Variants in SFXN1 observed in about 807,000 individuals in gnomAD.
The protein encoded by SFXN1 is sideroflexin-1.
SFXN1 carries 32 observed loss-of-function variants against 39.5 expected under a neutral mutation model. That is an observed-to-expected ratio of 0.81 (90% CI 0.61 to 1.09). The LOEUF (loss-of-function observed/expected upper bound fraction) is 1.09, where lower values mean the gene tolerates loss of function less well. Ranked by LOEUF, SFXN1 falls within the 50% of genes least tolerant of loss-of-function variation. SFXN1 has a pLI of 0.00. For missense variants in SFXN1, 402 were observed against 407.1 expected, an observed-to-expected ratio of 0.99 and a Z score of 0.11; for synonymous variants, 136 against 146.5, an observed-to-expected ratio of 0.93 and a Z score of 0.52.
chr5:175,522,284 AAAG>A (rs1482924315), intron 9 of SFXN1, 88 bp from the exon 10 acceptor site: 2 of 1,305,366 alleles, frequency 1.5e-6, no homozygotes, highest in Non-Finnish European at 2.1e-6. Context: ...TGCTCTGAAG[AAAG>A]AAGGGATTGT....
intron 1 of SFXN1, among the ~76,000 whole-genome samples, chr5:175,486,185 A>AG (rs113677211): frequency 0.022 from 3,241 of 150,280 alleles, 111 homozygotes; most frequent in African/African-American, 0.075. Flanking sequence ...AAAGGAAAAA[A>AG]GTGGGGGGGC....
chr5:175,509,971 A>T (rs1760453602), intron 3 of SFXN1, 138 bp from the exon 4 acceptor site: 2 of 641,676 alleles, frequency 3.1e-6, no homozygotes, highest in Admixed American at 2.8e-5. Flanking sequence ...CAGCACACAG[A>T]TCCTAAGCCT....
At chr5:175,497,191 T>C (rs1467682047) in intron 2 of SFXN1, among the ~76,000 whole-genome samples, 2 of 152,178 alleles carry the variant, frequency 1.3e-5, no homozygotes, top group Non-Finnish European at 2.9e-5. Context: ...GCCTCGCCTA[T>C]ATACTTTTAT....
chr5:175,505,200 G>A (rs542740976), intron 2 of SFXN1, among the ~76,000 whole-genome samples: 2 of 152,072 alleles, frequency 1.3e-5, no homozygotes, highest in Non-Finnish European at 2.9e-5. Context: ...AGATTAATAC[G>A]ATTTCAGTCA....
chr5:175,509,458 A>G (rs989746304), intron 3 of SFXN1: 4 of 259,822 alleles, frequency 1.5e-5, no homozygotes, highest in African/African-American at 8.8e-5. Flanking sequence ...TTGATGTAAA[A>G]GAAAAGAAGT....
At chr5:175,516,178 A>G (rs1760711481) in intron 7 of SFXN1, among the ~76,000 whole-genome samples, 1 of 152,186 alleles carries the variant, frequency 6.6e-6, no homozygotes, top group African/African-American at 2.4e-5. Flanking sequence ...CCAGAGATCC[A>G]TACCAGTCCA....
At chr5:175,505,723 G>A (rs1404168307) in intron 2 of SFXN1, among the ~76,000 whole-genome samples, 1 of 152,086 alleles carries the variant, frequency 6.6e-6, no homozygotes, top group Non-Finnish European at 1.5e-5. Context: ...GTAGATAAGT[G>A]GAAACACAAT....
intron 10 of SFXN1, among the ~76,000 whole-genome samples, chr5:175,525,457 C>A (rs1333045314): frequency 1.3e-5 from 2 of 152,144 alleles, no homozygotes; most frequent in African/African-American, 4.8e-5. Flanking sequence ...ACTCAAAGGC[C>A]CACTACATAA....
chr5:175,487,427 C>A (rs1288158854), intron 1 of SFXN1, among the ~76,000 whole-genome samples: 2 of 152,124 alleles, frequency 1.3e-5, no homozygotes, highest in African/African-American at 4.8e-5. Context: ...GCTTCACTAT[C>A]CAGAAATGGA....
intron 1 of SFXN1, 108 bp from the exon 2 acceptor site, chr5:175,491,987 G>C: frequency 1.5e-6 from 1 of 648,048 alleles, no homozygotes; most frequent in Non-Finnish European, 2.4e-6. Context: ...TTTATAAATA[G>C]GAAGAGTATG....
At chr5:175,511,990 G>C in intron 5 of SFXN1, 121 bp from the exon 6 acceptor site, 1 of 876,730 alleles carries the variant, frequency 1.1e-6, no homozygotes, top group Non-Finnish European at 1.7e-6. Flanking sequence ...AGCATTCTTG[G>C]CCTGAGTTTC....
At chr5:175,480,215 G>C (rs538457740) in intron 1 of SFXN1, among the ~76,000 whole-genome samples, 18 of 152,206 alleles carry the variant, frequency 1.2e-4, no homozygotes, top group Middle Eastern at 3.4e-3. Flanking sequence ...TCCTGGCTAA[G>C]CCGGTGAAAC....
chr5:175,515,381 G>A lies in SFXN1; in HGVS notation c.725-1233G>A, dbSNP rs116606847. Among the ~76,000 whole-genome samples the A allele has an allele frequency of 3.3e-5, 5 of 152,174 alleles. 1 individual carries two copies. The highest frequency in any genetic ancestry group is 2.1e-4 in the South Asian group (1 of 4,818). ...CTCTTAGAGTTCAGCCAGTCCAGAC[G>A]GACAAATCCATTTCTAGTGATTTGG... On this transcript the variant is annotated intron_variant, in intron 7 of 10. Coordinates refer to ENST00000321442, the MANE Select transcript of SFXN1 (RefSeq NM_022754.7).
chr5:175,492,660 T>C, intron 2 of SFXN1: 1 of 163,266 alleles, frequency 6.1e-6, no homozygotes, highest in Non-Finnish European at 1.3e-5. Flanking sequence ...CAGGGGTAGG[T>C]TGGTTCCTTC....
rs567773172 is a variant in SFXN1, at chr5:175,493,184, C to G, written c.164+917C>G. Among the ~76,000 whole-genome samples the G allele has an allele frequency of 2.0e-5, 3 of 151,962 alleles. No individual in the cohort carries two copies. The East Asian group carries it at 5.8e-4, about 30-fold the overall frequency. Reference sequence around the variant, plus strand: ...AGGAGAATGGCATGAAGCCAGGAGGCAGAGCCGGCAGTGAGCCAGGATCGT... The same window carrying G: ...AGGAGAATGGCATGAAGCCAGGAGGGAGAGCCGGCAGTGAGCCAGGATCGT... On this transcript the variant is annotated intron_variant, in intron 2 of 10. Transcript: ENST00000321442.
chr5:175,521,380 G>A (rs1168946445), intron 8 of SFXN1, among the ~76,000 whole-genome samples: 1 of 152,122 alleles, frequency 6.6e-6, no homozygotes, highest in Non-Finnish European at 1.5e-5. Flanking sequence ...CATTTGTTGG[G>A]TTTCTGATAT....
intron 8 of SFXN1, among the ~76,000 whole-genome samples, chr5:175,519,069 T>C (rs1455619421): frequency 2.0e-5 from 3 of 152,246 alleles, no homozygotes; most frequent in African/African-American, 4.8e-5. Context: ...ACAGACACTC[T>C]ACCAAGTACA....
chr5:175,488,200 A>G (rs1364061269), intron 1 of SFXN1, among the ~76,000 whole-genome samples: 1 of 151,054 alleles, frequency 6.6e-6, no homozygotes, highest in Non-Finnish European at 1.5e-5. Context: ...TCTGACTCCA[A>G]CCTGAGCCAT....
chr5:175,522,892 C>CTTGAATCCTGCCT, intron 10 of SFXN1: 1 of 154,766 alleles, frequency 6.5e-6, no homozygotes, highest in Non-Finnish European at 1.4e-5. Context: ...GCAAACTGCC[C>CTTGAATCCTGCCT]TTGAATCCTG....
Sources: gnomAD v4.1 joint callset for allele counts (sites outside exome capture counted in the v4.1 genomes callset) on GRCh38, gnomAD v4.1.1 for gene constraint, MANE v1.5 for transcripts, NCBI Gene and HGNC (gene_info 2026-07-23, HGNC 2026-07-21) for gene names.